DNAJC24: variants seen among roughly 807,000 people sequenced by gnomAD.
DNAJC24 encodes dnaJ homolog subfamily C member 24.
A neutral mutation model predicts 18.0 loss-of-function variants in DNAJC24; 17 were observed. The ratio of observed to expected loss-of-function variants is 0.94; its 90% CI spans 0.65 to 1.42. The LOEUF is 1.42. Among genes scored for constraint, DNAJC24 ranks in the 40% most tolerant of loss-of-function variants. The pLI is 0.00. For synonymous variants in DNAJC24, 55 were observed against 57.7 expected (o/e 0.95, Z 0.21); for missense variants, 158 against 175.6 (o/e 0.90, Z 0.57).
At chr11:31,390,693 G>A (rs1188221282) in intron 2 of DNAJC24, among the ~76,000 whole-genome samples, 1 of 137,726 alleles carries the variant, frequency 7.3e-6, no homozygotes, top group Admixed American at 7.5e-5. Flanking sequence ...TTGCCAGAGT[G>A]AGATTCCATC....
At chr11:31,379,971 T>C (rs1338068856) in intron 2 of DNAJC24, among the ~76,000 whole-genome samples, 1 of 152,066 alleles carries the variant, frequency 6.6e-6, no homozygotes, top group Non-Finnish European at 1.5e-5. Flanking sequence ...GGTTTCACCA[T>C]GTTAGCCAAG....
chr11:31,407,170 C>G (rs559085432), intron 2 of DNAJC24, among the ~76,000 whole-genome samples: 1 of 152,134 alleles, frequency 6.6e-6, no homozygotes, highest in Non-Finnish European at 1.5e-5. Context: ...CCTCAAGTGC[C>G]ACATTGATAA....
At chr11:31,421,939 G>A (rs572867210) in intron 3 of DNAJC24, 13 of 437,628 alleles carry the variant, frequency 3.0e-5, no homozygotes, top group East Asian at 7.4e-5. Context: ...AAGAATCTCC[G>A]TAGATTTTCC....
At chr11:31,418,497 GAC>G (rs1952772717) in intron 3 of DNAJC24, among the ~76,000 whole-genome samples, 1 of 152,192 alleles carries the variant, frequency 6.6e-6, no homozygotes, top group East Asian at 1.9e-4. Flanking sequence ...TCTATACAGT[GAC>G]ACAGCTTATG....
At chr11:31,393,692 A>T (rs1952519820) in intron 2 of DNAJC24, among the ~76,000 whole-genome samples, 1 of 152,130 alleles carries the variant, frequency 6.6e-6, no homozygotes, top group Non-Finnish European at 1.5e-5. Context: ...CTTGGACTTC[A>T]CAGCCTCCAG....
At chr11:31,390,720 A>C (rs1952486742) in intron 2 of DNAJC24, among the ~76,000 whole-genome samples, 1 of 151,518 alleles carries the variant, frequency 6.6e-6, no homozygotes, top group African/African-American at 2.4e-5. Context: ...AAAAAAAAAA[A>C]AAAAAAGTAA....
At chr11:31,409,603 TA>T (rs1279512033) in intron 2 of DNAJC24, among the ~76,000 whole-genome samples, 1 of 152,222 alleles carries the variant, frequency 6.6e-6, no homozygotes, top group African/African-American at 2.4e-5. Flanking sequence ...TGTTGAGGAA[TA>T]TTTCTCTTCT....
At chr11:31,393,925 TTACATTCC>T (rs143477423) in intron 2 of DNAJC24, among the ~76,000 whole-genome samples, 3,004 of 152,198 alleles carry the variant, frequency 0.02, 85 homozygotes, top group African/African-American at 0.068. Flanking sequence ...AAATGTAGGG[TTACATTCC>T]TGAGAGCCTC....
intron 2 of DNAJC24, among the ~76,000 whole-genome samples, chr11:31,375,857 G>C (rs969770682): frequency 7.4e-6 from 1 of 135,142 alleles, no homozygotes; most frequent in Non-Finnish European, 1.7e-5. Context: ...GCATTATTCT[G>C]GGAAGGCTCC....
chr11:31,394,907 A>G (rs1453497420), intron 2 of DNAJC24, among the ~76,000 whole-genome samples: 2 of 152,188 alleles, frequency 1.3e-5, no homozygotes, highest in Admixed American at 6.5e-5. Flanking sequence ...TTTGTTTTGT[A>G]TTGTTATAAC....
At chr11:31,407,700 A>ATAT (rs1451363011) in intron 2 of DNAJC24, among the ~76,000 whole-genome samples, 464 of 103,372 alleles carry the variant, frequency 4.5e-3, no homozygotes, top group Middle Eastern at 9.3e-3. Context: ...AAAAAAAAAA[A>ATAT]AAAAAAATAT....
chr11:31,393,159 A>G lies in DNAJC24; in HGVS notation c.112-21652A>G, dbSNP rs139057385. Among the ~76,000 whole-genome samples, 5 of 152,308 alleles carry G rather than the reference A, an allele frequency of 3.3e-5. No individual in the cohort carries two copies. The East Asian group carries it at 9.7e-4, about 29-fold the overall frequency. ...CGAATACAGCAGTACAGAGACAGCTACCACTTATCCTACCTTGCTTCTCTT... is the reference window on the plus strand; with the variant it reads ...CGAATACAGCAGTACAGAGACAGCTGCCACTTATCCTACCTTGCTTCTCTT... On this transcript the variant is annotated intron_variant, in intron 2 of 4. Coordinates refer to ENST00000465995, the MANE Select transcript of DNAJC24 (RefSeq NM_181706.5).
intron 2 of DNAJC24, among the ~76,000 whole-genome samples, chr11:31,396,809 A>T (rs1406371739): frequency 6.6e-6 from 1 of 152,044 alleles, no homozygotes; most frequent in Non-Finnish European, 1.5e-5. Flanking sequence ...CTATGATTTG[A>T]CCCCAGTCTA....
At chr11:31,376,903 G>A (rs953272543) in intron 2 of DNAJC24, among the ~76,000 whole-genome samples, 8 of 151,826 alleles carry the variant, frequency 5.3e-5, no homozygotes, top group African/African-American at 9.7e-5. Flanking sequence ...TACTCTTTTT[G>A]CATAAGTTTA....
At chr11:31,378,878 C>A (rs1952346527) in intron 2 of DNAJC24, among the ~76,000 whole-genome samples, 1 of 152,140 alleles carries the variant, frequency 6.6e-6, no homozygotes, top group Non-Finnish European at 1.5e-5. Flanking sequence ...TAGTTAATGA[C>A]ATTTACTTCC....
rs936255371 is a variant in DNAJC24 at position 31,432,237 on chromosome 11, A to C, written c.*1836A>C. ...TATACCTATAAGAACAAGAATTCAA[A>C]AGTGAGGTAGTCATCCAGGTTCCCC... is the stretch of plus-strand genomic sequence containing the variant. On this transcript the variant is annotated 3_prime_UTR_variant, in exon 5 of 5. Coordinates refer to ENST00000465995, the MANE Select transcript of DNAJC24 (RefSeq NM_181706.5). Among the ~76,000 whole-genome samples, 1 of 152,224 alleles carries C rather than the reference A, an allele frequency of 6.6e-6. No individual in the cohort carries two copies. The highest frequency in any genetic ancestry group is 1.5e-5 in the Non-Finnish European group (1 of 68,044).
At chr11:31,395,931 G>T (rs74824679) in intron 2 of DNAJC24, among the ~76,000 whole-genome samples, 3 of 152,166 alleles carry the variant, frequency 2.0e-5, no homozygotes, top group Non-Finnish European at 4.4e-5. Flanking sequence ...GTTATCTCTT[G>T]TATCTTTAAT....
chr11:31,429,281 T>A (rs1448919565), intron 4 of DNAJC24, among the ~76,000 whole-genome samples: 1 of 151,684 alleles, frequency 6.6e-6, no homozygotes. Flanking sequence ...TTTCCAAGGC[T>A]GAACTTGATA....
rs1952921625 is a variant in DNAJC24, at chr11:31,431,321, A to C, written c.*920A>C. On this transcript the variant is annotated 3_prime_UTR_variant, in exon 5 of 5. Coordinates refer to ENST00000465995, the MANE Select transcript of DNAJC24 (RefSeq NM_181706.5). ...AGGTTTGAGCCACCGTGCCTGGCCTAAGTTTTGTTAATAGAGATGGGATTT... is the reference window on the plus strand; with the variant it reads ...AGGTTTGAGCCACCGTGCCTGGCCTCAGTTTTGTTAATAGAGATGGGATTT... The C allele has an allele frequency of 6.6e-6, 1 of 150,578 alleles. No individual in the cohort carries two copies. The highest frequency in any genetic ancestry group is 1.5e-5 in the Non-Finnish European group (1 of 67,634). The allele number at this position is 150,578 out of a possible 1,614,324, so 9.3% of individuals were successfully genotyped here.
Sources: allele counts gnomAD v4.1 joint callset (sites outside exome capture counted in the v4.1 genomes callset), GRCh38; gene constraint gnomAD v4.1.1; transcripts MANE v1.5; gene names NCBI Gene and HGNC (gene_info 2026-07-23, HGNC 2026-07-21).